Variants in GRM5 observed in about 807,000 individuals in gnomAD.
GRM5 encodes metabotropic glutamate receptor 5.
A neutral mutation model predicts 83.1 loss-of-function variants in GRM5; 19 were observed. The ratio of observed to expected loss-of-function variants is 0.23; its 90% CI spans 0.16 to 0.34. The LOEUF (loss-of-function observed/expected upper bound fraction) is 0.34, where lower values mean the gene tolerates loss of function less well. GRM5 is among the 10% of genes least tolerant of loss of function. The pLI is 1.00. For synonymous variants in GRM5, 675 were observed against 633.6 expected (o/e 1.07, Z -0.98); for missense variants, 1,160 against 1,588.3 (o/e 0.73, Z 4.58).
chr11:88,556,523 A>G (rs1460423337), intron 8 of GRM5, among the ~76,000 whole-genome samples: 2 of 151,928 alleles, frequency 1.3e-5, no homozygotes, highest in Non-Finnish European at 2.9e-5. Flanking sequence ...GGGTTTCACC[A>G]TGTTGGTCAG....
chr11:89,061,150 T>G (rs1417584871), intron 1 of GRM5, among the ~76,000 whole-genome samples: 4 of 152,140 alleles, frequency 2.6e-5, no homozygotes, highest in African/African-American at 9.6e-5. Flanking sequence ...ACATGATCTA[T>G]CTATCTATAT....
chr11:88,622,656 A>G (rs1938670433), intron 4 of GRM5, among the ~76,000 whole-genome samples: 1 of 152,180 alleles, frequency 6.6e-6, no homozygotes, highest in South Asian at 2.1e-4. Context: ...TAATCAAAAC[A>G]TGATATATAT....
chr11:88,806,811 T>G (rs1943506998), intron 3 of GRM5, among the ~76,000 whole-genome samples: 1 of 152,198 alleles, frequency 6.6e-6, no homozygotes, highest in African/African-American at 2.4e-5. Flanking sequence ...ACTTGTATTC[T>G]TTCAATGTGT....
chr11:88,681,462 G>A (rs1457128294), intron 3 of GRM5, among the ~76,000 whole-genome samples: 3 of 149,424 alleles, frequency 2.0e-5, no homozygotes, highest in Non-Finnish European at 4.4e-5. Context: ...TTGTATCCCA[G>A]TGCTATTTGT....
At chr11:88,955,071 T>C (rs964456103) in intron 2 of GRM5, among the ~76,000 whole-genome samples, 23 of 152,322 alleles carry the variant, frequency 1.5e-4, no homozygotes, top group African/African-American at 4.8e-4. Flanking sequence ...GTGTTTTTTT[T>C]CCCCCATTGG....
intron 3 of GRM5, among the ~76,000 whole-genome samples, chr11:88,787,919 G>A (rs763911421): frequency 1.1e-4 from 17 of 152,146 alleles, no homozygotes; most frequent in Non-Finnish European, 2.1e-4. Context: ...GAGATGTCAC[G>A]TAGGCAGGTC....
chr11:88,931,408 AAGAT>A lies in GRM5; in HGVS notation c.662-81257_662-81254del, dbSNP rs1317318196. 2.0e-5 allele frequency among the ~76,000 whole-genome samples: 3 copies of A among 148,684 alleles called. No individual in the cohort carries two copies. In the Admixed American group the frequency reaches 2.1e-4, roughly 10 times the overall value. ...ACCATGCAAAATTAAAATGAACACA[AAGAT>A]AGAGAAAGCATATTGAAAGAACCAA... On this transcript the variant is annotated intron_variant, in intron 2 of 9. Coordinates refer to ENST00000305447, the MANE Select transcript of GRM5 (RefSeq NM_001143831.3).
Position 88,772,317 on chromosome 11 carries a change from C to T in GRM5, c.911+77589G>A, listed in dbSNP as rs563760677. On this transcript the variant is annotated intron_variant, in intron 3 of 9. Coordinates refer to ENST00000305447, the MANE Select transcript of GRM5 (RefSeq NM_001143831.3). Reference sequence around the variant, plus strand: ...AAATACACATGAAGGCAGTAAGAAGCTCTTAACCGTTTTCTTTGCCTCATT... The same window carrying T: ...AAATACACATGAAGGCAGTAAGAAGTTCTTAACCGTTTTCTTTGCCTCATT... Among the ~76,000 whole-genome samples the T allele has an allele frequency of 1.7e-4, 26 of 152,226 alleles. No homozygotes were observed. The South Asian group carries it at 5.4e-3, about 32-fold the overall frequency.
At chr11:88,510,380 T>C (rs968562687) in intron 9 of GRM5, among the ~76,000 whole-genome samples, 1 of 152,212 alleles carries the variant, frequency 6.6e-6, no homozygotes, top group South Asian at 2.1e-4. Context: ...TCTCAAGATG[T>C]GATTGGTGCC....
intron 8 of GRM5, among the ~76,000 whole-genome samples, chr11:88,556,324 CTTT>C (rs377331160): frequency 4.6e-5 from 6 of 129,734 alleles, no homozygotes; most frequent in East Asian, 2.2e-4. Flanking sequence ...CTTTTCTTTT[CTTT>C]TTTTTTTTTT....
chr11:88,928,265 T>C (rs1484066158), intron 2 of GRM5, among the ~76,000 whole-genome samples: 2 of 152,132 alleles, frequency 1.3e-5, no homozygotes, highest in African/African-American at 2.4e-5. Flanking sequence ...ACCAGTTATA[T>C]AATTGTAGGC....
rs193010586 is a variant in GRM5, at chr11:88,977,862, T to C, written c.661+69350A>G. 3.6e-3 allele frequency among the ~76,000 whole-genome samples: 546 copies of C among 152,330 alleles called. 4 individuals are homozygous for C. The highest frequency in any genetic ancestry group is 0.022 in the South Asian group (105 of 4,826). ...GTTATTTGGCATCACAATGCCCTGGTAAATATAGGTAGAGAGAACAATTAC... is the reference window on the plus strand; with the variant it reads ...GTTATTTGGCATCACAATGCCCTGGCAAATATAGGTAGAGAGAACAATTAC... On this transcript the variant is annotated intron_variant, in intron 2 of 9. Coordinates refer to ENST00000305447, the MANE Select transcript of GRM5 (RefSeq NM_001143831.3).
At chr11:88,898,813 T>G (rs1487962265) in intron 2 of GRM5, among the ~76,000 whole-genome samples, 9 of 152,040 alleles carry the variant, frequency 5.9e-5, no homozygotes, top group Admixed American at 5.9e-4. Flanking sequence ...TGCTACTACT[T>G]TGATATTAGA....
chr11:88,894,160 T>G (rs1392771427), intron 2 of GRM5, among the ~76,000 whole-genome samples: 1 of 151,906 alleles, frequency 6.6e-6, no homozygotes, highest in Non-Finnish European at 1.5e-5. Context: ...GGACAGCCCA[T>G]TTGCATAATA....
chr11:88,781,856 A>C (rs1942982239), intron 3 of GRM5, among the ~76,000 whole-genome samples: 1 of 152,186 alleles, frequency 6.6e-6, no homozygotes, highest in Admixed American at 6.6e-5. Context: ...TGAGCAGAAG[A>C]ATTACAAGCA....
chr11:88,545,576 T>G (rs1942370252), intron 8 of GRM5, among the ~76,000 whole-genome samples: 1 of 152,046 alleles, frequency 6.6e-6, no homozygotes, highest in Non-Finnish European at 1.5e-5. Flanking sequence ...TCCTTGAGGT[T>G]GAATTACACA....
At chr11:88,742,578 G>A (rs1942051166) in intron 3 of GRM5, among the ~76,000 whole-genome samples, 1 of 152,032 alleles carries the variant, frequency 6.6e-6, no homozygotes, top group Non-Finnish European at 1.5e-5. Context: ...TCCTCTCTTG[G>A]TGACTCTCCA....
intron 2 of GRM5, among the ~76,000 whole-genome samples, chr11:88,887,515 G>C (rs1235626498): frequency 6.6e-6 from 1 of 152,116 alleles, no homozygotes; most frequent in Admixed American, 6.6e-5. Context: ...ACTTGGGTGA[G>C]TGTGACAAAC....
chr11:88,864,837 T>C (rs138758278), intron 2 of GRM5, among the ~76,000 whole-genome samples: 2,005 of 152,130 alleles, frequency 0.013, 43 homozygotes, highest in East Asian at 0.07. Context: ...TGAGATACTT[T>C]CCATCAATAC....
Sources: gnomAD v4.1 joint callset for allele counts (sites outside exome capture counted in the v4.1 genomes callset) on GRCh38, gnomAD v4.1.1 for gene constraint, MANE v1.5 for transcripts, NCBI Gene and HGNC (gene_info 2026-07-23, HGNC 2026-07-21) for gene names.